CRACD: variants seen among roughly 807,000 people sequenced by gnomAD.
CRACD encodes the protein capping protein-inhibiting regulator of actin dynamics.
In CRACD, 56 loss-of-function variants were observed where a neutral mutation model predicts 106.8. That is an observed-to-expected ratio of 0.52 (90% CI 0.42 to 0.66). CRACD has a LOEUF of 0.66. Among genes scored for constraint, CRACD ranks in the 30% least tolerant of loss-of-function variants. The pLI is 0.00. For missense variants in CRACD, 1,730 were observed against 1,623.2 expected, an observed-to-expected ratio of 1.07 and a Z score of -1.13; for synonymous variants, 754 against 670.8, an observed-to-expected ratio of 1.12 and a Z score of -1.92.
chr4:56,198,099 T>C (rs1181660563), intron 2 of CRACD, among the ~76,000 whole-genome samples: 1 of 152,234 alleles, frequency 6.6e-6, no homozygotes, highest in Non-Finnish European at 1.5e-5. Context: ...GTGTGATTCA[T>C]CTGCACAGTT....
intron 1 of CRACD, among the ~76,000 whole-genome samples, chr4:56,071,575 C>T (rs1296374115): frequency 2.0e-5 from 3 of 150,922 alleles, no homozygotes; most frequent in Non-Finnish European, 4.4e-5. Context: ...GGTGCGATCT[C>T]AGCAGCTCCC....
At chr4:56,130,302 A>T (rs1734784156) in intron 1 of CRACD, among the ~76,000 whole-genome samples, 1 of 152,118 alleles carries the variant, frequency 6.6e-6, no homozygotes, top group Non-Finnish European at 1.5e-5. Context: ...AATCTCAACA[A>T]ATCTAAAAAT....
In CRACD at chr4:56,307,570, G is replaced by A. The variant is rs746063341; in HGVS notation, c.156G>A (p.Arg52=). ...QLGKNIKFGQ[R]SPNAIPMNKA... ...GCAAGAATATCAAGTTTGGGCAGCG[G>A]TCACCCAATGCCATTCCCATGAATA... is the stretch of plus-strand genomic sequence containing the variant. The change falls in exon 5 of 11, where the codon CGG becomes CGA. Residue 52 remains arginine (R), a synonymous_variant. Coordinates refer to ENST00000682029, the MANE Select transcript of CRACD (RefSeq NM_001393381.1). The A allele has an allele frequency of 1.2e-6, 2 of 1,614,172 alleles. No homozygotes were observed. Among genetic ancestry groups the A allele is most frequent in the Non-Finnish European group, 1.7e-6 (2 of 1,180,028 alleles).
chr4:56,250,283 T>C (rs1417971999), intron 2 of CRACD, among the ~76,000 whole-genome samples: 2 of 152,204 alleles, frequency 1.3e-5, no homozygotes, highest in African/African-American at 4.8e-5. Flanking sequence ...TCTTTTTTTC[T>C]CTTGTTCCAT....
At chr4:56,301,781 T>G (rs771419960) in intron 4 of CRACD, among the ~76,000 whole-genome samples, 1 of 151,990 alleles carries the variant, frequency 6.6e-6, no homozygotes, top group Non-Finnish European at 1.5e-5. Context: ...TCCCCTTTCC[T>G]GAGTAATGTG....
intron 2 of CRACD, among the ~76,000 whole-genome samples, chr4:56,208,219 A>G (rs894053573): frequency 6.6e-6 from 1 of 152,096 alleles, no homozygotes; most frequent in Non-Finnish European, 1.5e-5. Context: ...AAGGTCTCCA[A>G]TGGACATACA....
intron 8 of CRACD, among the ~76,000 whole-genome samples, chr4:56,317,596 C>T (rs1745761985): frequency 6.6e-6 from 1 of 152,182 alleles, no homozygotes; most frequent in African/African-American, 2.4e-5. Context: ...CTACCAGTGT[C>T]TTCACTGTAT....
At chr4:56,192,406 A>G (rs1737417684) in intron 2 of CRACD, among the ~76,000 whole-genome samples, 1 of 152,102 alleles carries the variant, frequency 6.6e-6, no homozygotes, top group Non-Finnish European at 1.5e-5. Flanking sequence ...AAAAAAAAAA[A>G]AGAAAGTATA....
intron 1 of CRACD, among the ~76,000 whole-genome samples, chr4:56,163,261 A>G (rs1248589535): frequency 6.6e-6 from 1 of 152,160 alleles, no homozygotes; most frequent in Non-Finnish European, 1.5e-5. Context: ...TTAAAGCTAT[A>G]AATATTCAGC....
intron 10 of CRACD, 66 bp from the exon 11 acceptor site, chr4:56,327,578 T>A: frequency 6.9e-7 from 1 of 1,450,994 alleles, no homozygotes; most frequent in Non-Finnish European, 9.5e-7. Flanking sequence ...CATCTGTTAA[T>A]TAAAAAGAAA....
intron 2 of CRACD, among the ~76,000 whole-genome samples, chr4:56,240,147 T>C (rs1227545308): frequency 1.3e-5 from 2 of 152,198 alleles, no homozygotes; most frequent in Non-Finnish European, 2.9e-5. Flanking sequence ...TGTATACTTT[T>C]CCTTGTCCCA....
At chr4:56,277,985 A>T (rs972330886) in intron 3 of CRACD, among the ~76,000 whole-genome samples, 1 of 152,234 alleles carries the variant, frequency 6.6e-6, no homozygotes, top group African/African-American at 2.4e-5. Context: ...AAATGACAAA[A>T]TATCATTGAA....
At chr4:56,199,450 G>A (rs1737773681) in intron 2 of CRACD, among the ~76,000 whole-genome samples, 2 of 152,078 alleles carry the variant, frequency 1.3e-5, no homozygotes, top group African/African-American at 4.8e-5. Context: ...TTGGGAGGCC[G>A]AGGCGGGTGA....
intron 1 of CRACD, among the ~76,000 whole-genome samples, chr4:56,164,095 C>A (rs531669406): frequency 2.6e-5 from 4 of 151,074 alleles, no homozygotes; most frequent in African/African-American, 9.7e-5. Context: ...TAAAAATAGA[C>A]GGGAAGTTTC....
At chr4:56,312,895 C>T (rs550732137) in intron 6 of CRACD, among the ~76,000 whole-genome samples, 21 of 152,306 alleles carry the variant, frequency 1.4e-4, no homozygotes, top group African/African-American at 5.1e-4. Flanking sequence ...GGCCTCCTGG[C>T]TATGTTTTGC....
intron 8 of CRACD, chr4:56,320,602 A>G (rs1746028032): frequency 6.6e-6 from 1 of 152,222 alleles, no homozygotes; most frequent in South Asian, 2.1e-4. Flanking sequence ...TCCATCTTAC[A>G]GACATGGACA....
chr4:56,126,243 G>A (rs1192565685), intron 1 of CRACD, among the ~76,000 whole-genome samples: 1 of 152,076 alleles, frequency 6.6e-6, no homozygotes, highest in Non-Finnish European at 1.5e-5. Context: ...CCAAAACTCA[G>A]CCATATCTTT....
At chr4:56,188,930 G>A (rs536475059) in intron 2 of CRACD, among the ~76,000 whole-genome samples, 4 of 152,104 alleles carry the variant, frequency 2.6e-5, no homozygotes, top group East Asian at 3.9e-4. Context: ...CCAGTACTTC[G>A]GAAGGCCGAA....
rs147799496 is a variant in CRACD, at chr4:56,058,483, A to C, written c.-336+9184A>C. Among the ~76,000 whole-genome samples the C allele has an allele frequency of 2.6e-4, 39 of 152,318 alleles. No homozygotes were observed. In the East Asian group the frequency reaches 6.8e-3, roughly 26 times the overall value. ...AGGTCTTTTGCCTGTGTTCTGAAGA[A>C]AGCATACGAACCGTGAGTGACTGTT... is the stretch of plus-strand genomic sequence containing the variant. On this transcript the variant is annotated intron_variant, in intron 1 of 10. Transcript: ENST00000682029.
Sources: allele counts gnomAD v4.1 joint callset (sites outside exome capture counted in the v4.1 genomes callset), GRCh38; gene constraint gnomAD v4.1.1; transcripts MANE v1.5; gene names NCBI Gene and HGNC (gene_info 2026-07-23, HGNC 2026-07-21).